MLPH: variants seen among roughly 807,000 people sequenced by gnomAD.
MLPH encodes the protein exophilin-3.
In MLPH, 51 loss-of-function variants were observed where a neutral mutation model predicts 72.1. The ratio of observed to expected loss-of-function variants is 0.71; its 90% CI spans 0.56 to 0.89. The LOEUF is 0.89. Ranked by LOEUF, MLPH falls within the 40% of genes least tolerant of loss-of-function variation. The probability of loss-of-function intolerance (pLI) is 0.00; values close to 1 mark genes in which losing one functional copy is unlikely to be tolerated. For synonymous variants in MLPH, 301 were observed against 310.1 expected (o/e 0.97, Z 0.31); for missense variants, 743 against 759.9 (o/e 0.98, Z 0.26).
intron 1 of MLPH, among the ~76,000 whole-genome samples, chr2:237,492,757 C>A (rs569463030): frequency 1.1e-4 from 16 of 152,332 alleles, no homozygotes; most frequent in African/African-American, 3.6e-4. Context: ...ATGACCTCCC[C>A]CTGGAACCAC....
At chr2:237,549,002 G>A (rs2080978350) in intron 13 of MLPH, among the ~76,000 whole-genome samples, 2 of 152,324 alleles carry the variant, frequency 1.3e-5, no homozygotes, top group East Asian at 1.9e-4. Context: ...AAATGTGGCA[G>A]CTTCCCCAAA....
Position 237,553,427 on chromosome 2 carries a change from G to A in MLPH, c.1777-139G>A, listed in dbSNP as rs557557262. 53 of 841,868 alleles carry A rather than the reference G, an allele frequency of 6.3e-5. No homozygotes were observed. The African/African-American group carries it at 6.4e-4, about 10-fold the overall frequency. 52.1% of individuals were successfully genotyped at this position (841,868 alleles called of 1,614,324 possible). ...GCCTCACATGCATGTGTGCACAAAC[G>A]TGTAATCTAAATTTGTGTCTACAGA... is the stretch of plus-strand genomic sequence containing the variant. On this transcript the variant is annotated intron_variant, in intron 15 of 15. Coordinates refer to ENST00000264605, the MANE Select transcript of MLPH (RefSeq NM_024101.7).
In MLPH at chr2:237,510,178, G is replaced by A. The variant is rs2079859609; in HGVS notation, c.111-396G>A. ...TTAGCTCAACTCTTGCCCCCCTGCT[G>A]AAGGAGACCAAAACAATGCTTGATC... On this transcript the variant is annotated intron_variant, in intron 2 of 15. Transcript: ENST00000264605. The surrounding 1 kb of genome is among the most constrained non-coding windows in gnomAD (Gnocchi z 4.4). 3 of 321,436 alleles carry A rather than the reference G, an allele frequency of 9.3e-6. No homozygotes were observed. Among genetic ancestry groups the A allele is most frequent in the Non-Finnish European group, 1.8e-5 (3 of 166,420 alleles). 19.9% of individuals were successfully genotyped at this position (321,436 alleles called of 1,614,324 possible).
At chr2:237,502,008 A>G (rs1251693117) in intron 2 of MLPH, among the ~76,000 whole-genome samples, 1 of 152,080 alleles carries the variant, frequency 6.6e-6, no homozygotes, top group Non-Finnish European at 1.5e-5. Context: ...GCTTATGTGT[A>G]GAAGAAAGCT....
upstream of MLPH, chr2:237,487,065 A>T (rs1574530): frequency 0.16 from 24,748 of 152,072 alleles, 2,126 homozygotes; most frequent in South Asian, 0.21. Flanking sequence ...CTTTCTCCCC[A>T]AACTGGCTTG....
intron 8 of MLPH, among the ~76,000 whole-genome samples, chr2:237,533,586 T>C (rs1290057525): frequency 1.3e-5 from 2 of 152,182 alleles, no homozygotes; most frequent in Non-Finnish European, 2.9e-5. Flanking sequence ...AGAGATGGCG[T>C]TCGCCATGTT....
At position 237,528,269 on chromosome 2, in the gene MLPH, A is replaced by G. The variant is rs897755871; in HGVS notation, c.1020+753A>G. On this transcript the variant is annotated intron_variant, in intron 8 of 15. Coordinates refer to ENST00000264605, the MANE Select transcript of MLPH (RefSeq NM_024101.7). ...AATGGATAAAAGGGTAAATTTTTAT[A>G]TGTATTTTATAATTGAAAAAAGTAA... 2.6e-5 allele frequency among the ~76,000 whole-genome samples: 4 copies of G among 152,286 alleles called. No homozygotes were observed. The East Asian group carries it at 7.7e-4, about 29-fold the overall frequency.
intron 2 of MLPH, among the ~76,000 whole-genome samples, chr2:237,499,844 A>C (rs1574837073): frequency 6.6e-6 from 1 of 152,150 alleles, no homozygotes; most frequent in East Asian, 1.9e-4. Context: ...TCCCAGGCTC[A>C]AGTAACCCTC....
chr2:237,542,394 T>C (rs931173288), intron 11 of MLPH, among the ~76,000 whole-genome samples, 173 bp from the exon 12 acceptor site: 1 of 151,996 alleles, frequency 6.6e-6, no homozygotes, highest in Non-Finnish European at 1.5e-5. Flanking sequence ...AGAAGATAAA[T>C]GCCAAGGGGA....
intron 1 of MLPH, among the ~76,000 whole-genome samples, chr2:237,491,278 A>G (rs1468049822): frequency 6.6e-6 from 1 of 152,188 alleles, no homozygotes; most frequent in African/African-American, 2.4e-5. Context: ...CCCCTTCTCT[A>G]ATGTTCCTGA....
intron 12 of MLPH, 147 bp from the exon 13 acceptor site, chr2:237,546,457 CGG>C: frequency 1.4e-6 from 1 of 715,096 alleles, no homozygotes; most frequent in South Asian, 1.5e-5. Flanking sequence ...AGTCCTGGAG[CGG>C]CATACTGGGG....
chr2:237,509,403 G>A (rs1401355878), intron 2 of MLPH, among the ~76,000 whole-genome samples: 3 of 152,118 alleles, frequency 2.0e-5, no homozygotes, highest in African/African-American at 7.2e-5. Context: ...GTTCTCCCTG[G>A]GACAGAGGCT....
At chr2:237,502,727 C>T (rs1194019162) in intron 2 of MLPH, among the ~76,000 whole-genome samples, 4 of 152,148 alleles carry the variant, frequency 2.6e-5, no homozygotes, top group South Asian at 4.1e-4. Flanking sequence ...TAGGTGGTGA[C>T]GTGGATTTGT....
chr2:237,505,256 A>C lies in MLPH; in HGVS notation c.111-5318A>C, dbSNP rs1226800503. On this transcript the variant is annotated intron_variant, in intron 2 of 15. Coordinates refer to ENST00000264605, the MANE Select transcript of MLPH (RefSeq NM_024101.7). This position sits in a 1 kb window ranked among gnomAD's most constrained non-coding sequence, Gnocchi z 4.5. ...GGTATGTGAAGGGTACTGGCCGGGC[A>C]CTGAGATACGGATGGCACCCACCAC... Among the ~76,000 whole-genome samples the C allele has an allele frequency of 6.6e-6, 1 of 152,060 alleles. No individual in the cohort carries two copies. Among genetic ancestry groups the C allele is most frequent in the Non-Finnish European group, 1.5e-5 (1 of 67,996 alleles).
chr2:237,554,297 C>G lies in MLPH; in HGVS notation c.*705C>G, dbSNP rs1034259545. On this transcript the variant is annotated 3_prime_UTR_variant, in exon 16 of 16. Transcript: ENST00000264605. The stretch of plus-strand genomic sequence containing the variant: ...GAGAGCCTGCTGGGAGACGAAGAGA[C>G]AGCAGGCAGAGCTCCAGATGGGCAA... 1 of 168,000 alleles carries G rather than the reference C, an allele frequency of 6.0e-6. No homozygotes were observed. The highest frequency in any genetic ancestry group is 1.3e-5 in the Non-Finnish European group (1 of 76,306). 10.4% of individuals were successfully genotyped at this position (168,000 alleles called of 1,614,324 possible).
rs1374256852 is a variant in MLPH, at chr2:237,510,306, A to T, written c.111-268A>T. On this transcript the variant is annotated intron_variant, in intron 2 of 15. Transcript: ENST00000264605. This position sits in a 1 kb window ranked among gnomAD's most constrained non-coding sequence, Gnocchi z 4.4. The stretch of plus-strand genomic sequence containing the variant: ...GGTACAATTGTAAACAGCCACAGAA[A>T]TGCTTAAATGCAATATCATTTCTAT... 1.3e-5 allele frequency: 7 copies of T among 523,872 alleles called. No individual in the cohort carries two copies. Among genetic ancestry groups the T allele is most frequent in the Non-Finnish European group, 2.4e-5 (7 of 288,824 alleles). 32.5% of individuals were successfully genotyped at this position (523,872 alleles called of 1,614,324 possible).
chr2:237,530,782 T>A (rs1416727675), intron 8 of MLPH, among the ~76,000 whole-genome samples: 1 of 152,180 alleles, frequency 6.6e-6, no homozygotes, highest in Non-Finnish European at 1.5e-5. Context: ...CAAGGAAGTG[T>A]CCTTTCATTC....
rs191925668 is a variant in MLPH at position 237,555,138 on chromosome 2, T to C, written c.*1546T>C. 3.9e-5 allele frequency: 6 copies of C among 152,120 alleles called. No homozygotes were observed. Among genetic ancestry groups the C allele is most frequent in the Non-Finnish European group, 7.4e-5 (5 of 68,026 alleles). The allele number at this position is 152,120 out of a possible 1,614,324, so 9.4% of individuals were successfully genotyped here. A position where few individuals can be genotyped will look rare whatever the true frequency, so the allele number is the denominator to read the frequency against. On this transcript the variant is annotated 3_prime_UTR_variant, in exon 16 of 16. Coordinates refer to ENST00000264605, the MANE Select transcript of MLPH (RefSeq NM_024101.7). ...AAACAAAAAAATTACCCAAGCATGA[T>C]GGTATATGCCTGTAGTCGTACCTAC...
In MLPH at chr2:237,512,300, G is replaced by T. The variant is rs1175499896; in HGVS notation, c.445+1199G>T. Among the ~76,000 whole-genome samples, 1 of 152,164 alleles carries T rather than the reference G, an allele frequency of 6.6e-6. No homozygotes were observed. Among genetic ancestry groups the T allele is most frequent in the Non-Finnish European group, 1.5e-5 (1 of 68,032 alleles). On this transcript the variant is annotated intron_variant, in intron 4 of 15. Transcript: ENST00000264605. This position sits in a 1 kb window ranked among gnomAD's most constrained non-coding sequence, Gnocchi z 5.5. ...GACACCTTTGAGCATTCAAGCTCTCGCCGGGCCTGCTGCAGGCATTTCAAG... is the reference window on the plus strand; with the variant it reads ...GACACCTTTGAGCATTCAAGCTCTCTCCGGGCCTGCTGCAGGCATTTCAAG...
Sources: gnomAD v4.1 joint callset for allele counts (sites outside exome capture counted in the v4.1 genomes callset) on GRCh38, gnomAD v4.1.1 for gene constraint, Gnocchi (gnomAD v3.1) non-coding constraint, MANE v1.5 for transcripts, NCBI Gene and HGNC (gene_info 2026-07-23, HGNC 2026-07-21) for gene names.